REDIC1: variants seen among roughly 807,000 people sequenced by gnomAD.
The protein encoded by REDIC1 is regulator of DNA class I crossover intermediates 1.
At chr12:39,648,663 A>G in the REDIC1 span, among the ~76,000 whole-genome samples, 1 of 151,356 alleles carries the variant, frequency 6.6e-6, no homozygotes, top group Admixed American at 6.6e-5. Flanking sequence ...TACAAACACT[A>G]TGTCTTGTTA....
the REDIC1 span, among the ~76,000 whole-genome samples, chr12:39,700,051 C>A: frequency 2.6e-5 from 4 of 152,188 alleles, no homozygotes; most frequent in Non-Finnish European, 5.9e-5. Context: ...TCCAAAGGAA[C>A]GCAGTTCCTC....
chr12:39,817,373 T>C, the REDIC1 span, among the ~76,000 whole-genome samples: 1 of 146,048 alleles, frequency 6.8e-6, no homozygotes, highest in Non-Finnish European at 1.5e-5. Context: ...ATCAGTTCCA[T>C]TACTGTTTCC....
the REDIC1 span, among the ~76,000 whole-genome samples, chr12:39,797,052 G>A: frequency 2.0e-5 from 3 of 152,140 alleles, no homozygotes; most frequent in African/African-American, 7.2e-5. Flanking sequence ...TACCTAAAAA[G>A]TACTATTTGA....
At chr12:39,661,321 T>C in the REDIC1 span, among the ~76,000 whole-genome samples, 1 of 152,136 alleles carries the variant, frequency 6.6e-6, no homozygotes, top group Non-Finnish European at 1.5e-5. Flanking sequence ...GTTTGTTATT[T>C]TTTTGTTTTT....
chr12:39,781,735 A>G, the REDIC1 span, among the ~76,000 whole-genome samples: 4 of 152,224 alleles, frequency 2.6e-5, no homozygotes, highest in Admixed American at 6.5e-5. Flanking sequence ...ACAAGCATAC[A>G]ACATAAAAGA....
chr12:39,708,626 T>A, the REDIC1 span, among the ~76,000 whole-genome samples: 1 of 151,756 alleles, frequency 6.6e-6, no homozygotes, highest in Admixed American at 6.6e-5. Flanking sequence ...AGTCCAAGTT[T>A]TAAAAATACT....
chr12:39,661,540 A>G, the REDIC1 span, among the ~76,000 whole-genome samples: 1 of 151,824 alleles, frequency 6.6e-6, no homozygotes, highest in Non-Finnish European at 1.5e-5. Flanking sequence ...TTTCTTGTAT[A>G]TTCTGGATAT....
the REDIC1 span, among the ~76,000 whole-genome samples, chr12:39,768,202 C>G: frequency 6.6e-6 from 1 of 152,096 alleles, no homozygotes; most frequent in Non-Finnish European, 1.5e-5. Context: ...CCTCTCTCAG[C>G]CTTCATAGAA....
the REDIC1 span, among the ~76,000 whole-genome samples, chr12:39,663,193 G>GC: frequency 4.0e-5 from 6 of 151,870 alleles, no homozygotes; most frequent in African/African-American, 1.4e-4. Flanking sequence ...TCTGTCTTAT[G>GC]CTGAGAGTGT....
the REDIC1 span, among the ~76,000 whole-genome samples, chr12:39,647,130 T>A: frequency 6.6e-6 from 1 of 152,012 alleles, no homozygotes; most frequent in African/African-American, 2.4e-5. Context: ...TTGATTCTGC[T>A]TGTTACTGAT....
chr12:39,890,550 AATCT>A, the REDIC1 span, among the ~76,000 whole-genome samples: 1 of 152,172 alleles, frequency 6.6e-6, no homozygotes, highest in Non-Finnish European at 1.5e-5. Flanking sequence ...GGCAGAAGTA[AATCT>A]ATCTGACCTC....
At chr12:39,901,784 C>T in the REDIC1 span, among the ~76,000 whole-genome samples, 3 of 137,026 alleles carry the variant, frequency 2.2e-5, no homozygotes, top group Non-Finnish European at 3.1e-5. Flanking sequence ...GTCAGTGTGG[C>T]GATTCCTCAG....
chr12:39,797,855 A>G, the REDIC1 span, among the ~76,000 whole-genome samples: 1 of 152,090 alleles, frequency 6.6e-6, no homozygotes, highest in Non-Finnish European at 1.5e-5. Context: ...TATTGTTTTA[A>G]TTAAAGAATA....
At chr12:39,713,507 T>C in the REDIC1 span, among the ~76,000 whole-genome samples, 2 of 149,714 alleles carry the variant, frequency 1.3e-5, no homozygotes, top group African/African-American at 4.9e-5. Flanking sequence ...CATACATATG[T>C]ATACATGCGT....
the REDIC1 span, among the ~76,000 whole-genome samples, chr12:39,846,790 T>TG: frequency 6.6e-6 from 1 of 151,994 alleles, no homozygotes; most frequent in South Asian, 2.1e-4. Flanking sequence ...ACTGGTAAAA[T>TG]GGGGAAAATA....
At chr12:39,890,921 T>C in the REDIC1 span, among the ~76,000 whole-genome samples, 1 of 152,166 alleles carries the variant, frequency 6.6e-6, no homozygotes, top group Admixed American at 6.5e-5. Flanking sequence ...TACATAATTT[T>C]AATTCTGTTA....
the REDIC1 span, among the ~76,000 whole-genome samples, chr12:39,847,225 T>C: frequency 6.6e-6 from 1 of 152,162 alleles, no homozygotes; most frequent in Non-Finnish European, 1.5e-5. Context: ...AAATGTCTCA[T>C]AAAATTAACA....
chr12:39,850,869 G>A, the REDIC1 span, among the ~76,000 whole-genome samples: 94,797 of 151,796 alleles, frequency 0.62, 29,760 homozygotes, highest in East Asian at 0.77. Flanking sequence ...TGAAATATCA[G>A]GAAGAGCTGA....
the REDIC1 span, among the ~76,000 whole-genome samples, chr12:39,774,316 C>T: frequency 0.99 from 150,297 of 152,276 alleles, 74,180 homozygotes; most frequent in East Asian, 1. Context: ...TTCTAACTTC[C>T]GGGCATCCCT....
Sources: allele counts gnomAD v4.1 joint callset (sites outside exome capture counted in the v4.1 genomes callset), GRCh38; gene constraint gnomAD v4.1.1; transcripts MANE v1.5; gene names NCBI Gene and HGNC (gene_info 2026-07-23, HGNC 2026-07-21).